The following COL11A2 variants were observed in gnomAD, a reference collection of about 807,000 sequenced individuals.
The protein encoded by COL11A2 is collagen alpha-2(XI) chain.
In COL11A2, 116 loss-of-function variants were observed where a neutral mutation model predicts 273.4. The ratio of observed to expected loss-of-function variants is 0.42; its 90% CI spans 0.36 to 0.49. The LOEUF is 0.49. COL11A2 is among the 20% of genes least tolerant of loss of function. The pLI is 0.00. For synonymous variants in COL11A2, 782 were observed against 864.2 expected, an observed-to-expected ratio of 0.90 and a Z score of 1.67; for missense variants, 1,866 against 2,309.0, an observed-to-expected ratio of 0.81 and a Z score of 3.93.
In COL11A2 at chr6:33,172,514, C is replaced by T. The variant is rs1191976062; in HGVS notation, c.2898+16G>A. On this transcript the variant is annotated intron_variant, in intron 39 of 65. Transcript: ENST00000341947. ...CCCAGCTCCCCCACTTCCCCTCTGCCTGGCCCCTCACTGACCTTTGTTCCT... is the reference window on the plus strand; with the variant it reads ...CCCAGCTCCCCCACTTCCCCTCTGCTTGGCCCCTCACTGACCTTTGTTCCT... The T allele has an allele frequency of 4.3e-6, 7 of 1,610,750 alleles. No individual in the cohort carries two copies. The highest frequency in any genetic ancestry group is 5.9e-6 in the Non-Finnish European group (7 of 1,178,074).
intron 41 of COL11A2, 61 bp downstream of exon 41, chr6:33,171,989 A>C: frequency 6.3e-7 from 1 of 1,580,166 alleles, no homozygotes; most frequent in Non-Finnish European, 8.7e-7. Flanking sequence ...TGCCACTCCC[A>C]CCCTTCCTCA....
At chr6:33,188,269 A>G in intron 4 of COL11A2, 93 bp downstream of exon 4, 1 of 1,437,146 alleles carries the variant, frequency 7.0e-7, no homozygotes, top group Non-Finnish European at 9.8e-7. Flanking sequence ...ATGAAGGCCT[A>G]GGGAATAGGA....
chr6:33,177,454 T>A lies in COL11A2; in HGVS notation c.1929A>T (p.Gly643=). 1.2e-6 allele frequency: 2 copies of A among 1,612,884 alleles called. No homozygotes were observed. Among genetic ancestry groups the A allele is most frequent in the South Asian group, 2.2e-5 (2 of 91,082 alleles). The part of the protein sequence containing the change: ...QGPKGSLGPQ[G]EPGPPGQQGT... ...CCTGTTGTCCAGGAGGTCCTGGCTC[T>A]CCCTGGGGTCCCTAGAAACAGGTGA... Residue 643 remains glycine, a synonymous_variant, in exon 23 of 66, where the codon GGA becomes GGT. Coordinates refer to ENST00000341947, the MANE Select transcript of COL11A2 (RefSeq NM_080680.3). The surrounding 1 kb of genome is among the most constrained non-coding windows in gnomAD (Gnocchi z 5.9).
Position 33,172,534 on chromosome 6 carries a change from G to C in COL11A2, c.2894C>G (p.Thr965Arg), listed in dbSNP as rs1383480377. The change falls in exon 39 of 66, where the codon ACA (threonine) becomes AGA (arginine). Residue 965 changes from threonine (T) to arginine (R), a missense_variant. By Grantham distance (71) the Thr-to-Arg change is moderately conservative (BLOSUM62 -1). Transcript: ENST00000341947. ...TCTGCCTGGCCCCTCACTGACCTTT[G>C]TTCCTTCTTTTCCAGCTGTCCCAGG... is the stretch of plus-strand genomic sequence containing the variant. ...GLPGTAGKEG[T>R]KGDPGPPGAP... The C allele has an allele frequency of 5.0e-6, 8 of 1,612,104 alleles. No homozygotes were observed. The highest frequency in any genetic ancestry group is 6.8e-6 in the Non-Finnish European group (8 of 1,179,730).
In COL11A2 at chr6:33,169,837, A is replaced by G; in HGVS notation, c.3684T>C (p.Gly1228=). 1 of 1,613,950 alleles carries G rather than the reference A, an allele frequency of 6.2e-7. No individual in the cohort carries two copies. The highest frequency in any genetic ancestry group is 8.5e-7 in the Non-Finnish European group (1 of 1,179,950). ...CCTTGGAGCTGTCACTCACCTTGAC[A>G]CCTGGCTCGCCCTGGATCCCTGGAG... ...SGSPGIQGEP[G]VKGPRGERGE... The change falls in exon 50 of 66, where the codon GGT becomes GGC. Residue 1228 remains glycine, a synonymous_variant. Transcript: ENST00000341947. The surrounding 1 kb of genome is among the most constrained non-coding windows in gnomAD (Gnocchi z 5.5).
At position 33,163,258 on chromosome 6, in the gene COL11A2, G is replaced by A. The variant is rs576997276; in HGVS notation, c.*420C>T. On this transcript the variant is annotated 3_prime_UTR_variant, in exon 66 of 66. Transcript: ENST00000341947. The surrounding 1 kb of genome is among the most constrained non-coding windows in gnomAD (Gnocchi z 4.1). ...GATGTGGGTGCCGGAGCCCACCCCC[G>A]AGACCCCTGTCTTCAACATCTGCTG... The A allele has an allele frequency of 8.6e-5, 18 of 209,110 alleles. No individual in the cohort carries two copies. Among genetic ancestry groups the A allele is most frequent in the Non-Finnish European group, 1.4e-4 (14 of 102,346 alleles). 13.0% of individuals were successfully genotyped at this position (209,110 alleles called of 1,614,324 possible).
In COL11A2 at chr6:33,167,324, A is replaced by G. The variant is rs1480350856; in HGVS notation, c.4123-7T>C. 5.0e-6 allele frequency: 8 copies of G among 1,613,420 alleles called. No individual in the cohort carries two copies. Among genetic ancestry groups the G allele is most frequent in the Non-Finnish European group, 6.8e-6 (8 of 1,179,954 alleles). ...CAGGTCGGCCTTGCTGACCCTGAAG[A>G]TTTGAGGGGGCCACAGGGGTCAGGA... On this transcript the variant is annotated splice_polypyrimidine_tract_variant and splice_region_variant and intron_variant, in intron 56 of 65. Coordinates refer to ENST00000341947, the MANE Select transcript of COL11A2 (RefSeq NM_080680.3). The surrounding 1 kb of genome is among the most constrained non-coding windows in gnomAD (Gnocchi z 6.1).
At chr6:33,174,700 C>A in intron 30 of COL11A2, 120 bp from the exon 31 acceptor site, 1 of 900,382 alleles carries the variant, frequency 1.1e-6, no homozygotes, top group Non-Finnish European at 1.8e-6. Context: ...CCCACACACC[C>A]CAGCCTCTAG....
rs997884133 is a variant in COL11A2 at position 33,175,594 on chromosome 6, G to A, written c.2356C>T (p.Pro786Ser). ...RTGPTGDPGPPGLMGEKGKLG... is the reference protein window; with the variant it reads ...RTGPTGDPGPSGLMGEKGKLG... ...ATCACCTTCTCGCCCATGAGCCCTG[G>A]GGGCCCAGGGTCTCCAGTCGGTCCA... Residue 786 changes from proline (P) to serine (S), a missense_variant, in exon 30 of 66, where the codon CCA becomes TCA. Transcript: ENST00000341947. 3.1e-6 allele frequency: 5 copies of A among 1,612,778 alleles called. No homozygotes were observed. The highest frequency in any genetic ancestry group is 2.7e-5 in the African/African-American group (2 of 74,894).
intron 11 of COL11A2, 121 bp from the exon 12 acceptor site, chr6:33,180,453 G>T: frequency 1.0e-6 from 1 of 981,046 alleles, no homozygotes; most frequent in Non-Finnish European, 1.5e-6. Flanking sequence ...TCTTTCCTGA[G>T]TCTCCCACCC....
chr6:33,164,459 G>A lies in COL11A2; in HGVS notation c.4878C>T (p.Asp1626=), dbSNP rs1459384478. The part of the protein sequence containing the change: ...RDDVTQFSYV[D]SEGSPVGVVQ... ...CCACACCCACTGGGGAGCCCTCTGA[G>A]TCCACGTAAGAGAACTGGAAGGAGA... Residue 1626 remains aspartate (D), a synonymous_variant, in exon 65 of 66, where the codon GAC becomes GAT. Transcript: ENST00000341947. This position sits in a 1 kb window ranked among gnomAD's most constrained non-coding sequence, Gnocchi z 4.7. The A allele has an allele frequency of 6.4e-7, 1 of 1,558,808 alleles. No homozygotes were observed. Among genetic ancestry groups the A allele is most frequent in the Non-Finnish European group, 8.7e-7 (1 of 1,149,722 alleles).
In COL11A2 at chr6:33,189,595, C is replaced by T; in HGVS notation, c.83-126G>A. The T allele has an allele frequency of 8.0e-7, 1 of 1,248,716 alleles. No homozygotes were observed. Among genetic ancestry groups the T allele is most frequent in the East Asian group, 2.5e-5 (1 of 39,888 alleles). The allele number at this position is 1,248,716 out of a possible 1,614,324, so 77.4% of individuals were successfully genotyped here. On this transcript the variant is annotated intron_variant, in intron 1 of 65. Coordinates refer to ENST00000341947, the MANE Select transcript of COL11A2 (RefSeq NM_080680.3). This position sits in a 1 kb window ranked among gnomAD's most constrained non-coding sequence, Gnocchi z 5.6. ...CCCTGCAAGGGAAAGGTCACCTCAC[C>T]CTCACTTGCTTCTGAACAGTACCTG...
In COL11A2 at chr6:33,173,749, T is replaced by C. The variant is rs952944176; in HGVS notation, c.2584-4A>G. ...GGCCATCACCACCAGATGTTCCCTG[T>C]GGGGGGAAACAGAGTCAAGGAGTGG... On this transcript the variant is annotated splice_region_variant and splice_polypyrimidine_tract_variant and intron_variant, in intron 34 of 65. Transcript: ENST00000341947. This position sits in a 1 kb window ranked among gnomAD's most constrained non-coding sequence, Gnocchi z 6.3. 3 of 1,594,096 alleles carry C rather than the reference T, an allele frequency of 1.9e-6. No homozygotes were observed. The highest frequency in any genetic ancestry group is 2.6e-6 in the Non-Finnish European group (3 of 1,167,834).
At chr6:33,184,934 G>C in intron 7 of COL11A2, 58 bp downstream of exon 7, 1 of 1,400,964 alleles carries the variant, frequency 7.1e-7, no homozygotes, top group Admixed American at 2.0e-5. Flanking sequence ...GGGCTGAGGG[G>C]AGTGAGTCAC....
chr6:33,184,963 G>T, intron 7 of COL11A2, 29 bp downstream of exon 7: 1 of 1,542,980 alleles, frequency 6.5e-7, no homozygotes, highest in Non-Finnish European at 8.8e-7. Context: ...ACTGCCCCCA[G>T]ATGGGGTGAG....
chr6:33,179,074 C>G lies in COL11A2; in HGVS notation c.1610G>C (p.Arg537Thr). The G allele has an allele frequency of 1.9e-6, 3 of 1,613,974 alleles. No individual in the cohort carries two copies. The highest frequency in any genetic ancestry group is 2.5e-6 in the Non-Finnish European group (3 of 1,179,864). Residue 537 changes from arginine (R) to threonine (T), a missense_variant and splice_region_variant, in exon 16 of 66, where the codon AGG becomes ACG. Coordinates refer to ENST00000341947, the MANE Select transcript of COL11A2 (RefSeq NM_080680.3). This position sits in a 1 kb window ranked among gnomAD's most constrained non-coding sequence, Gnocchi z 6.4. ...LTGPPGKAGR[R>T]GRAGADGARG... ...CCCATCCACCCCTGGGGCACTCACC[C>G]TTCGCCCAGCCTTGCCAGGAGGGCC...
rs1479941621 is a variant in COL11A2, at chr6:33,176,696, G to A, written c.2115+25C>T. ...AGAGTCTGAGTGGAGACTCCCTCAG[G>A]GGATAAAGACATGGAAGATCTCACC... On this transcript the variant is annotated intron_variant, in intron 26 of 65. Transcript: ENST00000341947. The surrounding 1 kb of genome is among the most constrained non-coding windows in gnomAD (Gnocchi z 4.9). 6.2e-7 allele frequency: 1 copy of A among 1,610,092 alleles called. No homozygotes were observed. Among genetic ancestry groups the A allele is most frequent in the Non-Finnish European group, 8.5e-7 (1 of 1,177,492 alleles).
Position 33,185,792 on chromosome 6 carries a change from G to A in COL11A2, c.799-14C>T, listed in dbSNP as rs201249874. 1.7e-6 allele frequency: 2 copies of A among 1,166,708 alleles called. No individual in the cohort carries two copies. Among genetic ancestry groups the A allele is most frequent in the Middle Eastern group, 2.4e-4 (1 of 4,104 alleles). The allele number at this position is 1,166,708 out of a possible 1,614,324, so 72.3% of individuals were successfully genotyped here. On this transcript the variant is annotated splice_polypyrimidine_tract_variant and intron_variant, in intron 5 of 65. Transcript: ENST00000341947. ...AGACTCAGTGGGCTGGGATTGGGGGGTGGGCATAGACAGGAAGGGGATGGG... is the reference window on the plus strand; with the variant it reads ...AGACTCAGTGGGCTGGGATTGGGGGATGGGCATAGACAGGAAGGGGATGGG...
At position 33,164,995 on chromosome 6, in the gene COL11A2, C is replaced by T. The variant is rs1482137499; in HGVS notation, c.4751-31G>A. 6 of 1,511,234 alleles carry T rather than the reference C, an allele frequency of 4.0e-6. No individual in the cohort carries two copies. In the South Asian group the frequency reaches 7.2e-5, roughly 18 times the overall value. 93.6% of individuals were successfully genotyped at this position (1,511,234 alleles called of 1,614,324 possible). ...GGGTGAGGGAGAGGGGAGGTCAGGG[C>T]CACCTAGGTCCAGGCTCCAAGATGC... On this transcript the variant is annotated intron_variant, in intron 63 of 65. Coordinates refer to ENST00000341947, the MANE Select transcript of COL11A2 (RefSeq NM_080680.3). This position sits in a 1 kb window ranked among gnomAD's most constrained non-coding sequence, Gnocchi z 4.7.
Sources: gnomAD v4.1 joint callset for allele counts on GRCh38, gnomAD v4.1.1 for gene constraint, Gnocchi (gnomAD v3.1) non-coding constraint, MANE v1.5 for transcripts, NCBI Gene and HGNC (gene_info 2026-07-23, HGNC 2026-07-21) for gene names.